COX6B1: variants seen among roughly 807,000 people sequenced by gnomAD.
COX6B1 encodes cytochrome c oxidase subunit 6B1, also known as COX VIb-1.
In COX6B1, 2 loss-of-function variants were observed where a neutral mutation model predicts 14.0. The observed-to-expected ratio is 0.14, with a 90% CI of 0.06 to 0.45. The LOEUF is 0.45. Ranked by LOEUF, COX6B1 falls within the 20% of genes least tolerant of loss-of-function variation. The pLI, the probability that COX6B1 is intolerant of heterozygous loss-of-function variation, is 0.98. For synonymous variants in COX6B1, 30 were observed against 39.7 expected (o/e 0.76, Z 0.92); for missense variants, 81 against 114.2 (o/e 0.71, Z 1.33).
intron 2 of COX6B1, 95 bp from the exon 3 acceptor site, chr19:35,654,476 C>T: frequency 9.6e-7 from 1 of 1,044,490 alleles, no homozygotes; most frequent in Non-Finnish European, 1.5e-6. Context: ...CCACTGCACT[C>T]CAGCCTGAGT....
intron 1 of COX6B1, among the ~76,000 whole-genome samples, chr19:35,649,960 A>G (rs1010404611): frequency 5.3e-5 from 8 of 152,100 alleles, no homozygotes; most frequent in African/African-American, 1.9e-4. Context: ...TATAACAGCA[A>G]ATGTCACAAA....
rs1055632030 is a variant in COX6B1 at position 35,656,722 on chromosome 19, G to A, written c.208-1872G>A. 2.0e-5 allele frequency among the ~76,000 whole-genome samples: 3 copies of A among 152,016 alleles called. No homozygotes were observed. The South Asian group carries it at 6.2e-4, about 32-fold the overall frequency. ...TCTCAAACTCCTGACCTCAGGTGAT[G>A]CACCTGCTTCGGCCTCCCAAAGTTC... On this transcript the variant is annotated intron_variant, in intron 3 of 3. Coordinates refer to ENST00000649813, the MANE Select transcript of COX6B1 (RefSeq NM_001863.5).
chr19:35,649,208 G>T (rs1215957847), intron 1 of COX6B1, among the ~76,000 whole-genome samples: 3 of 152,306 alleles, frequency 2.0e-5, no homozygotes, highest in Admixed American at 6.5e-5. Context: ...TTGAATTGGG[G>T]TGGGGGGTGG....
In COX6B1 at chr19:35,648,674, A is replaced by C. The variant is rs935773929; in HGVS notation, c.-12+271A>C. 1.7e-5 allele frequency: 6 copies of C among 362,756 alleles called. No homozygotes were observed. The East Asian group carries it at 2.2e-4, about 13-fold the overall frequency. 22.5% of individuals were successfully genotyped at this position (362,756 alleles called of 1,614,324 possible). A position where few individuals can be genotyped will look rare whatever the true frequency, so the allele number is the denominator to read the frequency against. ...CGATTATCCCCTTTTGTCAGTAAAC[A>C]GGCTCAGAGATACCAAGCGACCTAG... On this transcript the variant is annotated intron_variant, in intron 1 of 3. Transcript: ENST00000649813.
intron 1 of COX6B1, among the ~76,000 whole-genome samples, chr19:35,649,854 T>C (rs1967805654): frequency 6.6e-6 from 1 of 152,008 alleles, no homozygotes; most frequent in African/African-American, 2.4e-5. Flanking sequence ...ACTCCTGGGC[T>C]CAAGCGATCC....
chr19:35,651,261 G>C lies in COX6B1; in HGVS notation c.18G>C (p.Glu6Asp), dbSNP rs555965567. Residue 6 changes from glutamate (E) to aspartate (D), a missense_variant, in exon 2 of 4, where the codon GAG becomes GAC. Glu to Asp is a conservative substitution (Grantham distance 45). Coordinates refer to ENST00000649813, the MANE Select transcript of COX6B1 (RefSeq NM_001863.5). MAEDM[E>D]TKIKNYKTAP... ...TCAGCACCATGGCGGAAGACATGGA[G>C]ACCAAAATCAAGAACTACAAGACCG... 6.2e-7 allele frequency: 1 copy of C among 1,613,918 alleles called. No homozygotes were observed. The highest frequency in any genetic ancestry group is 1.7e-5 in the Admixed American group (1 of 59,994).
In COX6B1 at chr19:35,652,632, G is replaced by A. The variant is rs763615691; in HGVS notation, c.106+1283G>A. Among the ~76,000 whole-genome samples, 147 of 143,734 alleles carry A rather than the reference G, an allele frequency of 1.0e-3. 1 individual carries two copies. Among genetic ancestry groups the A allele is most frequent in the Non-Finnish European group, 4.7e-4 (31 of 66,054 alleles). The allele number at this position is 143,734 out of a possible 152,430, so 94.3% of individuals were successfully genotyped here. A position where few individuals can be genotyped will look rare whatever the true frequency, so the allele number is the denominator to read the frequency against. On this transcript the variant is annotated intron_variant, in intron 2 of 3. Transcript: ENST00000649813. The stretch of plus-strand genomic sequence containing the variant: ...TGTATTTTTTTTTTTTTTTAGTAAA[G>A]ACAAGGTTTCACCATGTTGATCAGG...
intron 2 of COX6B1, among the ~76,000 whole-genome samples, chr19:35,653,086 G>GCT: frequency 6.7e-6 from 1 of 149,138 alleles, no homozygotes; most frequent in African/African-American, 2.5e-5. Context: ...CTCTGCCTCA[G>GCT]CCTGCCGAGT....
At position 35,654,499 on chromosome 19, in the gene COX6B1, C is replaced by T. The variant is rs531193923; in HGVS notation, c.107-72C>T. On this transcript the variant is annotated intron_variant, in intron 2 of 3. Transcript: ENST00000649813. ...CTCCAGCCTGAGTGACAGATTGAGA[C>T]CCTACCTCAAAAAAAAAAAAAAATG... 3.7e-5 allele frequency: 48 copies of T among 1,284,854 alleles called. No individual in the cohort carries two copies. In the South Asian group the frequency reaches 5.7e-4, roughly 15 times the overall value. 79.6% of individuals were successfully genotyped at this position (1,284,854 alleles called of 1,614,324 possible).
chr19:35,656,773 G>A (rs976479835), intron 3 of COX6B1, among the ~76,000 whole-genome samples: 5 of 152,144 alleles, frequency 3.3e-5, no homozygotes, highest in African/African-American at 4.8e-5. Flanking sequence ...GAGCCACCAC[G>A]CCCAGCCATG....
intron 3 of COX6B1, among the ~76,000 whole-genome samples, chr19:35,655,684 C>T (rs954114804): frequency 6.6e-6 from 1 of 151,972 alleles, no homozygotes; most frequent in Admixed American, 6.6e-5. Context: ...GACTCGAACT[C>T]CTGGGCTCAA....
intron 1 of COX6B1, among the ~76,000 whole-genome samples, chr19:35,650,215 G>A (rs1180121573): frequency 6.6e-6 from 1 of 152,036 alleles, no homozygotes; most frequent in Non-Finnish European, 1.5e-5. Context: ...TGTTGGCCAG[G>A]CTGGTCTTGA....
chr19:35,656,363 A>T (rs1967889045), intron 3 of COX6B1, among the ~76,000 whole-genome samples: 1 of 152,196 alleles, frequency 6.6e-6, no homozygotes, highest in Non-Finnish European at 1.5e-5. Flanking sequence ...TTGCAGAACA[A>T]TCTATATAGT....
chr19:35,653,297 G>C (rs148749581), intron 2 of COX6B1, among the ~76,000 whole-genome samples: 3,291 of 145,880 alleles, frequency 0.023, 130 homozygotes, highest in East Asian at 0.099. Flanking sequence ...ATTTGAGACA[G>C]AGTCTCGCTC....
chr19:35,655,230 A>C (rs1225392211), intron 3 of COX6B1, among the ~76,000 whole-genome samples: 1 of 152,018 alleles, frequency 6.6e-6, no homozygotes, highest in Admixed American at 6.6e-5. Context: ...GGGTTTCACC[A>C]TGTTAGCCAG....
rs987184669 is a variant in COX6B1 at position 35,653,134 on chromosome 19, AT to A, written c.107-1425del. 1.7e-3 allele frequency among the ~76,000 whole-genome samples: 248 copies of A among 143,234 alleles called. 1 individual carries two copies. The highest frequency in any genetic ancestry group is 7.9e-3 in the East Asian group (39 of 4,924). 94.0% of individuals were successfully genotyped at this position (143,234 alleles called of 152,430 possible). On this transcript the variant is annotated intron_variant, in intron 2 of 3. Transcript: ENST00000649813. Reference sequence around the variant, plus strand: ...AGTCGCCTGCCACCATGCCTGGCTAATTTTTTTTTTTTGTATTTTTAGTAGA... The same window carrying A: ...AGTCGCCTGCCACCATGCCTGGCTAATTTTTTTTTTTGTATTTTTAGTAGA...
At chr19:35,648,792 C>G (rs1967789278) in intron 1 of COX6B1, 1 of 528,090 alleles carries the variant, frequency 1.9e-6, no homozygotes, top group Non-Finnish European at 3.9e-6. Flanking sequence ...CGCGGCTTGC[C>G]TGGGCCGCAG....
intron 2 of COX6B1, 80 bp from the exon 3 acceptor site, chr19:35,654,491 G>C (rs1244248343): frequency 6.4e-5 from 77 of 1,203,146 alleles, no homozygotes; most frequent in Non-Finnish European, 8.9e-5. Context: ...CTGAGTGACA[G>C]ATTGAGACCC....
chr19:35,656,812 A>G (rs1383292117), intron 3 of COX6B1, among the ~76,000 whole-genome samples: 1 of 152,186 alleles, frequency 6.6e-6, no homozygotes, highest in Non-Finnish European at 1.5e-5. Flanking sequence ...TAAGGTCAAC[A>G]TGCTAACACA....
Sources: allele counts gnomAD v4.1 joint callset (sites outside exome capture counted in the v4.1 genomes callset), GRCh38; gene constraint gnomAD v4.1.1; transcripts MANE v1.5; gene names NCBI Gene and HGNC (gene_info 2026-07-23, HGNC 2026-07-21).